ATXN1: variants seen among roughly 807,000 people sequenced by gnomAD.
ATXN1 encodes the protein ataxin-1.
A neutral mutation model predicts 56.4 loss-of-function variants in ATXN1; 8 were observed. That is an observed-to-expected ratio of 0.14 (90% CI 0.08 to 0.26). The LOEUF is 0.26. Ranked by LOEUF, ATXN1 falls within the 10% of genes least tolerant of loss-of-function variation. The pLI, the probability that ATXN1 is intolerant of heterozygous loss-of-function variation, is 1.00. For synonymous variants in ATXN1, 514 were observed against 494.6 expected, an observed-to-expected ratio of 1.04 and a Z score of -0.52; for missense variants, 987 against 1,106.5, an observed-to-expected ratio of 0.89 and a Z score of 1.53.
At chr6:16,358,819 G>C (rs1286870869) in intron 6 of ATXN1, among the ~76,000 whole-genome samples, 5 of 152,228 alleles carry the variant, frequency 3.3e-5, no homozygotes, top group Non-Finnish European at 7.3e-5. Flanking sequence ...GGGGAGCCTG[G>C]AACAGGCAGG....
chr6:16,505,427 C>T (rs1465322430), intron 5 of ATXN1, among the ~76,000 whole-genome samples: 1 of 152,152 alleles, frequency 6.6e-6, no homozygotes, highest in African/African-American at 2.4e-5. Flanking sequence ...GTCAGGCTGA[C>T]ATCCCAAACC....
At chr6:16,396,246 T>C (rs554935444) in intron 6 of ATXN1, among the ~76,000 whole-genome samples, 9 of 151,736 alleles carry the variant, frequency 5.9e-5, no homozygotes, top group African/African-American at 2.2e-4. Context: ...GTCTTAGTTT[T>C]TAACAGAAAA....
intron 2 of ATXN1, chr6:16,738,545 T>C (rs1021897707): frequency 2.0e-5 from 3 of 152,202 alleles, no homozygotes; most frequent in Non-Finnish European, 4.4e-5. Context: ...GTGAAGTATG[T>C]GTATGGGTGT....
At chr6:16,584,455 C>G (rs535751189) in intron 4 of ATXN1, among the ~76,000 whole-genome samples, 1 of 151,724 alleles carries the variant, frequency 6.6e-6, no homozygotes, top group African/African-American at 2.4e-5. Context: ...CTAGTGATTT[C>G]ATAGTTGTCT....
chr6:16,535,937 T>C (rs1285919273), intron 4 of ATXN1, among the ~76,000 whole-genome samples: 1 of 152,088 alleles, frequency 6.6e-6, no homozygotes, highest in Non-Finnish European at 1.5e-5. Context: ...TGGCCAGGCA[T>C]GGTTGGCTCA....
chr6:16,587,403 A>G (rs1193799847), intron 3 of ATXN1, among the ~76,000 whole-genome samples: 1 of 152,232 alleles, frequency 6.6e-6, no homozygotes, highest in East Asian at 1.9e-4. Context: ...AAATTCTTAA[A>G]CATGTTTACC....
chr6:16,328,216 G>T lies in ATXN1; in HGVS notation c.95C>A (p.Thr32Asn), dbSNP rs150375774. The T allele has an allele frequency of 1.4e-5, 22 of 1,591,826 alleles. No individual in the cohort carries two copies. The highest frequency in any genetic ancestry group is 1.9e-5 in the Non-Finnish European group (22 of 1,166,706). The change falls in exon 7 of 8, where the codon ACC (threonine) becomes AAC (asparagine). Residue 32 changes from threonine to asparagine, a missense_variant. Coordinates refer to ENST00000436367, the MANE Select transcript of ATXN1 (RefSeq NM_001128164.2). The surrounding 1 kb of genome is among the most constrained non-coding windows in gnomAD (Gnocchi z 6.2). Reference protein sequence around the residue: ...TSRSSEEKAPTLPSDNHRVEG... With the variant: ...TSRSSEEKAPNLPSDNHRVEG... The stretch of plus-strand genomic sequence containing the variant: ...CACCCGGTGGTTGTCGCTGGGCAGG[G>T]TAGGGGCCTTCTCCTCGGAGGACCG...
intron 2 of ATXN1, among the ~76,000 whole-genome samples, chr6:16,664,982 AAGTT>A (rs1457729530): frequency 6.6e-6 from 1 of 152,172 alleles, no homozygotes; most frequent in Non-Finnish European, 1.5e-5. Flanking sequence ...CAGAACAAAA[AAGTT>A]AGTGACAAGA....
In ATXN1 at chr6:16,305,388, A is replaced by G. The variant is rs1384501786; in HGVS notation, c.*941T>C. ...AACGTGAAGAGCTTCTGTTGCTCTCACTGAAGGGCAGTTTGCATCTACCTC... is the reference window on the plus strand; with the variant it reads ...AACGTGAAGAGCTTCTGTTGCTCTCGCTGAAGGGCAGTTTGCATCTACCTC... On this transcript the variant is annotated 3_prime_UTR_variant, in exon 8 of 8. Transcript: ENST00000436367. 1.3e-5 allele frequency: 2 copies of G among 152,660 alleles called. No homozygotes were observed. Among genetic ancestry groups the G allele is most frequent in the African/African-American group, 4.8e-5 (2 of 41,452 alleles). 9.5% of individuals were successfully genotyped at this position (152,660 alleles called of 1,614,324 possible). A position where few individuals can be genotyped will look rare whatever the true frequency, so the allele number is the denominator to read the frequency against.
intron 6 of ATXN1, among the ~76,000 whole-genome samples, chr6:16,360,900 A>C (rs1396405937): frequency 1.3e-5 from 2 of 152,210 alleles, no homozygotes; most frequent in Non-Finnish European, 2.9e-5. Context: ...TGGGTTCTAG[A>C]ACAGCCCTGT....
chr6:16,704,002 A>G (rs896218878), intron 2 of ATXN1, among the ~76,000 whole-genome samples: 1 of 152,236 alleles, frequency 6.6e-6, no homozygotes, highest in East Asian at 1.9e-4. Context: ...GCAGGCAACA[A>G]GAGCGAGATT....
rs540472265 is a variant in ATXN1, at chr6:16,341,486, C to G, written c.-160-13016G>C. Among the ~76,000 whole-genome samples the G allele has an allele frequency of 2.8e-4, 43 of 151,878 alleles. No homozygotes were observed. In the East Asian group the frequency reaches 6.8e-3, roughly 24 times the overall value. Reference sequence around the variant, plus strand: ...TGCACCAGGGGATTCTAATTTGCAGCCAGAGGTGAGAACCTCTGGTATAGA... The same window carrying G: ...TGCACCAGGGGATTCTAATTTGCAGGCAGAGGTGAGAACCTCTGGTATAGA... On this transcript the variant is annotated intron_variant, in intron 6 of 7. Coordinates refer to ENST00000436367, the MANE Select transcript of ATXN1 (RefSeq NM_001128164.2).
At position 16,327,180 on chromosome 6, in the gene ATXN1, C is replaced by A; in HGVS notation, c.1131G>T (p.Gly377=). 2 of 1,613,796 alleles carry A rather than the reference C, an allele frequency of 1.2e-6. No homozygotes were observed. The highest frequency in any genetic ancestry group is 1.7e-6 in the Non-Finnish European group (2 of 1,180,014). The part of the protein sequence containing the change: ...PSDYSSRDPS[G]VRASVMVLPN... ...GCAGGACCATCACAGAGGCCCGGACCCCCGAAGGATCACGACTGCTGTAGT... is the reference window on the plus strand; with the variant it reads ...GCAGGACCATCACAGAGGCCCGGACACCCGAAGGATCACGACTGCTGTAGT... The change falls in exon 7 of 8, where the codon GGG becomes GGT. Residue 377 remains glycine (G), a synonymous_variant. Coordinates refer to ENST00000436367, the MANE Select transcript of ATXN1 (RefSeq NM_001128164.2).
chr6:16,606,867 T>TGTGTGTGTGTGTGTGTGTGTGTG (rs1554119511), intron 3 of ATXN1, among the ~76,000 whole-genome samples: 194 of 126,810 alleles, frequency 1.5e-3, no homozygotes, highest in African/African-American at 5.0e-3. Flanking sequence ...GTTCCATGAG[T>TGTGTGTGTGTGTGTGTGTGTGTG]TGTGTGTGTG....
rs911452936 is a variant in ATXN1 at position 16,410,169 on chromosome 6, C to T, written c.-161+75803G>A. Among the ~76,000 whole-genome samples, 10 of 152,206 alleles carry T rather than the reference C, an allele frequency of 6.6e-5. No individual in the cohort carries two copies. Among genetic ancestry groups the T allele is most frequent in the African/African-American group, 2.4e-4 (10 of 41,446 alleles). ...CCTCGGCCTCTTGCTTACTATGACG[C>T]CGTGTGAATCACAGCATCTAGCGGC... On this transcript the variant is annotated intron_variant, in intron 6 of 7. Transcript: ENST00000436367. The surrounding 1 kb of genome is among the most constrained non-coding windows in gnomAD (Gnocchi z 4.6).
intron 7 of ATXN1, among the ~76,000 whole-genome samples, chr6:16,313,443 T>C (rs1374098826): frequency 6.6e-6 from 1 of 152,080 alleles, no homozygotes; most frequent in Non-Finnish European, 1.5e-5. Context: ...GCCTTAGAAT[T>C]AAATGCTGTG....
At chr6:16,361,581 TC>T (rs1179021110) in intron 6 of ATXN1, among the ~76,000 whole-genome samples, 2 of 152,188 alleles carry the variant, frequency 1.3e-5, no homozygotes, top group Non-Finnish European at 2.9e-5. Flanking sequence ...CATAAACAAA[TC>T]AAAGGACATT....
intron 4 of ATXN1, among the ~76,000 whole-genome samples, chr6:16,532,341 A>G (rs1761520690): frequency 6.6e-6 from 1 of 152,208 alleles, no homozygotes; most frequent in Admixed American, 6.5e-5. Flanking sequence ...TGATAAGCAG[A>G]TATGGGCAAA....
chr6:16,427,368 C>A (rs1407765618), intron 6 of ATXN1, among the ~76,000 whole-genome samples: 1 of 152,168 alleles, frequency 6.6e-6, no homozygotes, highest in Non-Finnish European at 1.5e-5. Flanking sequence ...TCAGACATTG[C>A]CAACTTGCCC....
Sources: allele counts gnomAD v4.1 joint callset (sites outside exome capture counted in the v4.1 genomes callset), GRCh38; gene constraint gnomAD v4.1.1; non-coding constraint Gnocchi (gnomAD v3.1); transcripts MANE v1.5; gene names NCBI Gene and HGNC (gene_info 2026-07-23, HGNC 2026-07-21).